The following CYP3A5 variants were observed in gnomAD, a reference collection of about 807,000 sequenced individuals.
The protein encoded by CYP3A5 is cytochrome P450 family 3 subfamily A member 5.
CYP3A5 carries 51 observed loss-of-function variants against 55.9 expected under a neutral mutation model. The observed-to-expected ratio is 0.91, with a 90% CI of 0.73 to 1.15. The LOEUF is 1.15. CYP3A5 is among the 50% of genes most tolerant of loss of function. The pLI is 0.00. For synonymous variants in CYP3A5, 196 were observed against 213.9 expected, an observed-to-expected ratio of 0.92 and a Z score of 0.73; for missense variants, 533 against 596.6, an observed-to-expected ratio of 0.89 and a Z score of 1.11.
At chr7:99,670,727 A>G (rs1265059210) in intron 4 of CYP3A5, among the ~76,000 whole-genome samples, 2 of 152,162 alleles carry the variant, frequency 1.3e-5, no homozygotes, top group Non-Finnish European at 2.9e-5. Context: ...TTTTGGCAGC[A>G]CTTACATTTG....
At chr7:99,669,212 C>T (rs1396848842) in intron 4 of CYP3A5, among the ~76,000 whole-genome samples, 2 of 152,162 alleles carry the variant, frequency 1.3e-5, no homozygotes, top group Non-Finnish European at 2.9e-5. Flanking sequence ...AATAGCGAAG[C>T]ACTCTGCTTA....
chr7:99,666,681 G>A lies in CYP3A5; in HGVS notation c.441C>T (p.Pro147=). The part of the protein sequence containing the change: ...FTSGKLKEMF[P]IIAQYGDVLV... Reference sequence around the variant, plus strand: ...ATACATCTCCATACTGGGCAATGATGGGGAACATCTAAGCACAAAACAGAT... The same window carrying A: ...ATACATCTCCATACTGGGCAATGATAGGGAACATCTAAGCACAAAACAGAT... The change falls in exon 6 of 13, where the codon CCC becomes CCT. Residue 147 remains proline, a synonymous_variant. Coordinates refer to ENST00000222982, the MANE Select transcript of CYP3A5 (RefSeq NM_000777.5). 2.5e-6 allele frequency: 4 copies of A among 1,614,048 alleles called. No individual in the cohort carries two copies. The highest frequency in any genetic ancestry group is 3.4e-6 in the Non-Finnish European group (4 of 1,179,952).
intron 11 of CYP3A5, 55 bp downstream of exon 11, chr7:99,652,498 A>T: frequency 8.3e-7 from 1 of 1,200,366 alleles, no homozygotes; most frequent in Non-Finnish European, 1.2e-6. Context: ...GAGAGGCAGA[A>T]TATGCTTGAA....
chr7:99,663,874 AT>A (rs1343392990), intron 8 of CYP3A5, 93 bp downstream of exon 8: 2 of 1,454,066 alleles, frequency 1.4e-6, no homozygotes, highest in Non-Finnish European at 9.0e-7. Flanking sequence ...CTCTGTCTTT[AT>A]TTTTAAAAAT....
chr7:99,657,784 A>G (rs1446819130), intron 10 of CYP3A5, among the ~76,000 whole-genome samples: 1 of 152,152 alleles, frequency 6.6e-6, no homozygotes, highest in Non-Finnish European at 1.5e-5. Context: ...GGGTGCATAT[A>G]TATTTAGGAT....
rs752078217 is a variant in CYP3A5, at chr7:99,676,505, T to C, written c.72-297A>G. ...TGCTCCTGAGAGGTTCAGGCAGGAA[T>C]TCTTCCAGGACACTTCATTTCCTTA... On this transcript the variant is annotated intron_variant, in intron 1 of 12. Coordinates refer to ENST00000222982, the MANE Select transcript of CYP3A5 (RefSeq NM_000777.5). The C allele has an allele frequency of 1.6e-5, 22 of 1,385,372 alleles. No individual in the cohort carries two copies. In the Admixed American group the frequency reaches 2.2e-4, roughly 14 times the overall value. The allele number at this position is 1,385,372 out of a possible 1,614,324, so 85.8% of individuals were successfully genotyped here.
chr7:99,652,052 G>A (rs953332817), intron 11 of CYP3A5, among the ~76,000 whole-genome samples: 2 of 152,020 alleles, frequency 1.3e-5, no homozygotes, highest in Admixed American at 6.6e-5. Flanking sequence ...TAAAGTTTCT[G>A]TTAAATTCAG....
chr7:99,678,394 C>T (rs1474868505), intron 1 of CYP3A5, among the ~76,000 whole-genome samples: 1 of 152,248 alleles, frequency 6.6e-6, no homozygotes, highest in Non-Finnish European at 1.5e-5. Flanking sequence ...GTCACTGGCT[C>T]ACAGTCTTGC....
At chr7:99,648,897 G>A (rs1808879484) in intron 12 of CYP3A5, among the ~76,000 whole-genome samples, 1 of 152,210 alleles carries the variant, frequency 6.6e-6, no homozygotes, top group African/African-American at 2.4e-5. Context: ...GTGCAATGAT[G>A]GGAAATGTCT....
At chr7:99,657,152 C>G (rs886218074) in intron 10 of CYP3A5, among the ~76,000 whole-genome samples, 10 of 152,154 alleles carry the variant, frequency 6.6e-5, no homozygotes, top group African/African-American at 2.4e-4. Flanking sequence ...TCCTGCTTCT[C>G]TAGTTCTTTT....
intron 11 of CYP3A5, among the ~76,000 whole-genome samples, chr7:99,651,263 T>C (rs760772191): frequency 6.6e-6 from 1 of 152,262 alleles, no homozygotes; most frequent in Admixed American, 6.5e-5. Context: ...AATATATATA[T>C]ACACACACAT....
At chr7:99,666,286 A>G (rs1308085433) in intron 6 of CYP3A5, among the ~76,000 whole-genome samples, 1 of 152,166 alleles carries the variant, frequency 6.6e-6, no homozygotes, top group East Asian at 1.9e-4. Flanking sequence ...TTCCATATCC[A>G]CTACACTCAA....
chr7:99,655,204 G>T (rs1024360333), intron 10 of CYP3A5, among the ~76,000 whole-genome samples: 2 of 152,076 alleles, frequency 1.3e-5, no homozygotes, highest in African/African-American at 4.8e-5. Context: ...GGGTTTTTAT[G>T]GTTTTAGGTC....
In CYP3A5 at chr7:99,660,539, T is replaced by C. The variant is rs2151397941; in HGVS notation, c.986A>G (p.Gln329Arg). ...TGCATCAATCTCCTTTTGCAGTTTC[T>C]GCTGGACATCAGGGTGAGTGGCCAG... The part of the protein sequence containing the change: ...YELATHPDVQ[Q>R]KLQKEIDAVL... Residue 329 changes from glutamine to arginine, a missense_variant, in exon 10 of 13, where the codon CAG becomes CGG. Gln to Arg is a conservative substitution (Grantham distance 43, BLOSUM62 1). Transcript: ENST00000222982. 2 of 1,613,834 alleles carry C rather than the reference T, an allele frequency of 1.2e-6. No homozygotes were observed. The highest frequency in any genetic ancestry group is 4.5e-5 in the East Asian group (2 of 44,870).
At chr7:99,660,712 C>T in intron 9 of CYP3A5, 53 bp from the exon 10 acceptor site, 1 of 1,592,428 alleles carries the variant, frequency 6.3e-7, no homozygotes, top group South Asian at 1.1e-5. Context: ...TACAACATCA[C>T]AGCTTAGATG....
intron 10 of CYP3A5, chr7:99,658,849 T>A (rs962072971): frequency 6.6e-6 from 1 of 152,266 alleles, no homozygotes; most frequent in Non-Finnish European, 1.5e-5. Context: ...CCATCACTGA[T>A]ACCCTTTCTT....
In CYP3A5 at chr7:99,670,569, A is replaced by G. The variant is rs183758477; in HGVS notation, c.318+2011T>C. On this transcript the variant is annotated intron_variant, in intron 4 of 12. Transcript: ENST00000222982. ...GTCGACATATATATGTTACCTGGCA[A>G]TTTTGAAATGGAATGCCTAGAGCTG... Among the ~76,000 whole-genome samples, 421 of 152,304 alleles carry G rather than the reference A, an allele frequency of 2.8e-3. 2 individuals carry two copies. The highest frequency in any genetic ancestry group is 0.01 in the Middle Eastern group (3 of 294).
chr7:99,675,563 C>G (rs958223309), intron 2 of CYP3A5, among the ~76,000 whole-genome samples: 1 of 149,582 alleles, frequency 6.7e-6, no homozygotes, highest in African/African-American at 2.5e-5. Context: ...CAGGGGTAAA[C>G]CTGGCCATGC....
chr7:99,667,815 A>C (rs1211792530), intron 4 of CYP3A5, among the ~76,000 whole-genome samples: 1 of 152,194 alleles, frequency 6.6e-6, no homozygotes, highest in African/African-American at 2.4e-5. Context: ...ACAATCTGTA[A>C]AAAAATCATT....
Sources: allele counts gnomAD v4.1 joint callset (sites outside exome capture counted in the v4.1 genomes callset), GRCh38; gene constraint gnomAD v4.1.1; transcripts MANE v1.5; gene names NCBI Gene and HGNC (gene_info 2026-07-23, HGNC 2026-07-21).